Variants in FRY observed in about 807,000 individuals in gnomAD.
FRY encodes FRY microtubule binding protein.
A neutral mutation model predicts 348.4 loss-of-function variants in FRY; 128 were observed. The observed-to-expected ratio is 0.37, with a 90% confidence interval of 0.32 to 0.43. The LOEUF (loss-of-function observed/expected upper bound fraction) is 0.43. Ranked by LOEUF, FRY falls within the 20% of genes least tolerant of loss-of-function variation. The probability of loss-of-function intolerance (pLI) is 1.00; values close to 1 mark genes in which losing one functional copy is unlikely to be tolerated. For synonymous variants in FRY, 1,370 were observed against 1,374.7 expected, an observed-to-expected ratio of 1.00 and a Z score of 0.08; for missense variants, 2,736 against 3,695.2, an observed-to-expected ratio of 0.74 and a Z score of 6.73.
chr13:32,252,237 A>G (rs1010601507), intron 50 of FRY, among the ~76,000 whole-genome samples: 6 of 152,104 alleles, frequency 3.9e-5, no homozygotes, highest in African/African-American at 1.4e-4. Context: ...AAATATGCCC[A>G]GAATGTCTTA....
chr13:32,184,146 T>C (rs2138260205), intron 24 of FRY, among the ~76,000 whole-genome samples: 1 of 152,156 alleles, frequency 6.6e-6, no homozygotes, highest in South Asian at 2.1e-4. Context: ...ACCACTGCAC[T>C]CCAGCCTGGG....
At chr13:32,274,460 C>T (rs1440846352) in intron 55 of FRY, among the ~76,000 whole-genome samples, 2 of 151,896 alleles carry the variant, frequency 1.3e-5, no homozygotes, top group African/African-American at 2.4e-5. Flanking sequence ...GTAATCCCAG[C>T]ACTTTGGGAG....
chr13:32,092,282 C>A (rs1289027143), intron 2 of FRY, among the ~76,000 whole-genome samples: 1 of 152,120 alleles, frequency 6.6e-6, no homozygotes, highest in African/African-American at 2.4e-5. Flanking sequence ...ATTAAATGAC[C>A]CCTTGTATAA....
At chr13:32,273,391 T>TG (rs1566186274) in intron 55 of FRY, among the ~76,000 whole-genome samples, 3 of 151,580 alleles carry the variant, frequency 2.0e-5, no homozygotes. Context: ...CCCGGCTAAT[T>TG]TTTTGTATTT....
chr13:32,121,576 T>A (rs927296310), intron 4 of FRY, among the ~76,000 whole-genome samples: 1 of 152,254 alleles, frequency 6.6e-6, no homozygotes, highest in Non-Finnish European at 1.5e-5. Context: ...CATTTGTATG[T>A]CTTCTTCTGA....
chr13:32,198,704 C>T (rs930450977), intron 29 of FRY, among the ~76,000 whole-genome samples: 3 of 152,234 alleles, frequency 2.0e-5, no homozygotes, highest in African/African-American at 7.2e-5. Context: ...TGTCACCCAT[C>T]ATTCAACATC....
chr13:32,067,291 C>G (rs548226661), intron 1 of FRY, among the ~76,000 whole-genome samples: 1 of 152,244 alleles, frequency 6.6e-6, no homozygotes, highest in East Asian at 1.9e-4. Flanking sequence ...ACTGCGTGGC[C>G]CAGAACAGAG....
At position 32,209,737 on chromosome 13, in the gene FRY, T is replaced by G. The variant is rs768716682; in HGVS notation, c.4422+6T>G. The stretch of plus-strand genomic sequence containing the variant: ...ACACAGTTCTCCTACCCTATGTAAG[T>G]GTCTCTCAGCCCTTCAAGAGTGATT... On this transcript the variant is annotated splice_donor_region_variant and intron_variant, in intron 33 of 60. Coordinates refer to ENST00000542859, the MANE Select transcript of FRY (RefSeq NM_023037.3). 63 of 1,613,868 alleles carry G rather than the reference T, an allele frequency of 3.9e-5. No homozygotes were observed. Among genetic ancestry groups the G allele is most frequent in the Non-Finnish European group, 8.5e-7 (1 of 1,179,886 alleles).
chr13:32,041,060 C>T (rs1276183317), intron 1 of FRY, among the ~76,000 whole-genome samples: 1 of 152,140 alleles, frequency 6.6e-6, no homozygotes, highest in East Asian at 1.9e-4. Flanking sequence ...ATGAACATAG[C>T]AGACTGTAAC....
At chr13:32,034,617 G>A (rs964832120) in intron 1 of FRY, among the ~76,000 whole-genome samples, 6 of 152,046 alleles carry the variant, frequency 3.9e-5, no homozygotes, top group Admixed American at 1.3e-4. Context: ...TCACGGCTGC[G>A]GCCCCTTGTT....
intron 33 of FRY, 67 bp from the exon 34 acceptor site, chr13:32,210,799 T>G: frequency 2.3e-6 from 3 of 1,296,294 alleles, no homozygotes; most frequent in Non-Finnish European, 3.3e-6. Flanking sequence ...ATGAGAGGTT[T>G]ACTGGCCTAG....
At chr13:32,251,649 T>C (rs1199300789) in intron 49 of FRY, among the ~76,000 whole-genome samples, 1 of 152,236 alleles carries the variant, frequency 6.6e-6, no homozygotes, top group Admixed American at 6.5e-5. Context: ...TTAATTTTAA[T>C]AATACATGTT....
chr13:32,183,808 G>A lies in FRY; in HGVS notation c.3054+774G>A, dbSNP rs1188987968. Among the ~76,000 whole-genome samples, 3 of 146,778 alleles carry A rather than the reference G, an allele frequency of 2.0e-5. No homozygotes were observed. The Admixed American group carries it at 2.0e-4, about 10-fold the overall frequency. On this transcript the variant is annotated intron_variant, in intron 24 of 60. Transcript: ENST00000542859. ...AAAAAAAAAAAAAAAACCTAGAAAA[G>A]GAGGCTTCTCATATAGTAGCAATGA...
intron 53 of FRY, among the ~76,000 whole-genome samples, chr13:32,263,765 T>G (rs1055004846): frequency 2.0e-5 from 3 of 152,208 alleles, no homozygotes; most frequent in Non-Finnish European, 4.4e-5. Context: ...TCCCAGCACT[T>G]CGGGAGGCCG....
At chr13:32,184,912 T>C in intron 25 of FRY, 64 bp from the exon 26 acceptor site, 2 of 1,378,652 alleles carry the variant, frequency 1.5e-6, no homozygotes, top group South Asian at 1.2e-5. Flanking sequence ...TTAGTTTTCA[T>C]GAAGCCTGTA....
chr13:32,248,620 T>G (rs760802251), intron 48 of FRY, among the ~76,000 whole-genome samples: 1 of 152,206 alleles, frequency 6.6e-6, no homozygotes, highest in South Asian at 2.1e-4. Context: ...TTTTATACAA[T>G]GGTCCTCACT....
chr13:32,072,361 T>C (rs897989215), intron 1 of FRY, among the ~76,000 whole-genome samples: 2 of 152,226 alleles, frequency 1.3e-5, no homozygotes, highest in Non-Finnish European at 2.9e-5. Flanking sequence ...TGGCCCACTT[T>C]AAAATAAGTA....
chr13:32,032,031 C>CTTTCTTTCTTTCTT (rs1872265252), intron 1 of FRY, among the ~76,000 whole-genome samples, 166 bp downstream of exon 1: 40 of 137,830 alleles, frequency 2.9e-4, no homozygotes, highest in African/African-American at 1.1e-3. Flanking sequence ...CTTTTTCTTT[C>CTTTCTTTCTTTCTT]TTTCTTTCTT....
Position 32,224,305 on chromosome 13 carries a change from G to A in FRY, c.4836G>A (p.Pro1612=), listed in dbSNP as rs368924097. 67 of 1,614,002 alleles carry A rather than the reference G, an allele frequency of 4.2e-5. No homozygotes were observed. The highest frequency in any genetic ancestry group is 3.5e-4 in the Admixed American group (21 of 60,008). ...ITETKQPQPL[P]MPCTGGCWAP... is the part of the protein sequence containing the mutation. The stretch of plus-strand genomic sequence containing the variant: ...AGACCAAGCAGCCGCAGCCCTTACC[G>A]ATGCCTTGTACTGGAGGATGCTGGG... The change falls in exon 37 of 61, where the codon CCG becomes CCA. Residue 1612 remains proline, a synonymous_variant. Transcript: ENST00000542859.
Sources: allele counts gnomAD v4.1 joint callset (sites outside exome capture counted in the v4.1 genomes callset), GRCh38; gene constraint gnomAD v4.1.1; transcripts MANE v1.5; gene names NCBI Gene and HGNC (gene_info 2026-07-23, HGNC 2026-07-21).